TPP2: variants seen among roughly 807,000 people sequenced by gnomAD.
The protein encoded by TPP2 is tripeptidyl peptidase 2.
In TPP2, 34 loss-of-function variants were observed where a neutral mutation model predicts 155.9. The ratio of observed to expected loss-of-function variants is 0.22; its 90% CI spans 0.17 to 0.29. The LOEUF (loss-of-function observed/expected upper bound fraction) is 0.29, where lower values mean the gene tolerates loss of function less well. Among genes scored for constraint, TPP2 ranks in the 10% least tolerant of loss-of-function variants. The pLI, the probability that TPP2 is intolerant of heterozygous loss-of-function variation, is 1.00. For synonymous variants in TPP2, 510 were observed against 529.4 expected (o/e 0.96, Z 0.50); for missense variants, 1,028 against 1,522.3 (o/e 0.68, Z 5.40).
intron 25 of TPP2, among the ~76,000 whole-genome samples, chr13:102,661,721 A>G (rs1421931740): frequency 2.0e-5 from 3 of 152,190 alleles, no homozygotes; most frequent in Admixed American, 6.5e-5. Flanking sequence ...CAAAATCACA[A>G]TGAAATACAA....
At position 102,597,018 on chromosome 13, in the gene TPP2, C is replaced by G. The variant is rs781493054; in HGVS notation, c.-21C>G. Reference sequence around the variant, plus strand: ...GCGCAGCCTGGCAGTTTGCCGCTTCCTCGTCCTCCATCCTGCGTCCATGGC... The same window carrying G: ...GCGCAGCCTGGCAGTTTGCCGCTTCGTCGTCCTCCATCCTGCGTCCATGGC... On this transcript the variant is annotated 5_prime_UTR_variant, in exon 1 of 30. Transcript: ENST00000376052. 2.5e-6 allele frequency: 4 copies of G among 1,608,986 alleles called. No individual in the cohort carries two copies. The highest frequency in any genetic ancestry group is 1.3e-5 in the African/African-American group (1 of 74,486).
chr13:102,626,960 A>G (rs1881666952), intron 6 of TPP2, 52 bp from the exon 7 acceptor site: 1 of 1,438,894 alleles, frequency 6.9e-7, no homozygotes, highest in African/African-American at 1.4e-5. Flanking sequence ...GAATTGAATA[A>G]ACTTTCAGTC....
intron 25 of TPP2, among the ~76,000 whole-genome samples, chr13:102,658,982 T>G (rs962362195): frequency 1.3e-5 from 2 of 152,170 alleles, no homozygotes; most frequent in African/African-American, 4.8e-5. Flanking sequence ...CTAAGCTCCT[T>G]AAGTGGGGGT....
intron 1 of TPP2, among the ~76,000 whole-genome samples, chr13:102,602,493 A>G (rs1375530598): frequency 6.6e-6 from 1 of 152,148 alleles, no homozygotes; most frequent in Non-Finnish European, 1.5e-5. Context: ...ACATGAAAAT[A>G]ACAGCTGTGC....
chr13:102,630,244 T>C (rs1881928289), intron 10 of TPP2, 49 bp downstream of exon 10: 1 of 1,438,130 alleles, frequency 7.0e-7, no homozygotes, highest in South Asian at 1.2e-5. Context: ...GGTTAAACTT[T>C]ACACTGTTGA....
chr13:102,600,646 T>C (rs1257790868), intron 1 of TPP2, among the ~76,000 whole-genome samples: 2 of 152,192 alleles, frequency 1.3e-5, no homozygotes, highest in Non-Finnish European at 2.9e-5. Context: ...GTGCTTGTAA[T>C]GTTAAATGTT....
intron 27 of TPP2, among the ~76,000 whole-genome samples, chr13:102,668,676 A>G (rs1230269567): frequency 6.6e-6 from 1 of 152,188 alleles, no homozygotes; most frequent in East Asian, 1.9e-4. Context: ...AAGAAAGGCA[A>G]ATCTAAATGA....
chr13:102,655,028 T>C (rs1369673254), intron 24 of TPP2: 1 of 504,870 alleles, frequency 2.0e-6, no homozygotes, highest in Admixed American at 2.0e-5. Flanking sequence ...TGTTTACAGG[T>C]TCTGGCCCCC....
chr13:102,674,338 G>T lies in TPP2; in HGVS notation c.3427G>T (p.Ala1143Ser), dbSNP rs752918639. 2 of 1,613,776 alleles carry T rather than the reference G, an allele frequency of 1.2e-6. No homozygotes were observed. The highest frequency in any genetic ancestry group is 1.7e-5 in the Admixed American group (1 of 59,992). The change falls in exon 28 of 30, where the codon GCC becomes TCC. Residue 1143 changes from alanine (A) to serine (S), a missense_variant. Ala to Ser is a moderately conservative substitution (Grantham distance 99, BLOSUM62 1). Around this residue, in one of 7 missense-constraint regions of TPP2, gnomAD observed 116 missense variants for 117.3 expected, o/e 0.99. Transcript: ENST00000376052. ...AGATGCCCTTTGTAGGAAAGGTTGT[G>T]CCCTGGCAGACCATCTTCTTCACAC... ...LVDALCRKGC[A>S]LADHLLHTQA...
In TPP2 at chr13:102,678,471, G is replaced by T. The variant is rs188384637; in HGVS notation, c.*155G>T. The T allele has an allele frequency of 1.7e-6, 1 of 602,832 alleles. No homozygotes were observed. Among genetic ancestry groups the T allele is most frequent in the East Asian group, 3.0e-5 (1 of 33,390 alleles). The allele number at this position is 602,832 out of a possible 1,614,324, so 37.3% of individuals were successfully genotyped here. ...TGTATTTATCAGAGAATTCACTGAC[G>T]TGTGGCTTAATACATGTAAATCTAG... On this transcript the variant is annotated 3_prime_UTR_variant, in exon 30 of 30. Coordinates refer to ENST00000376052, the MANE Select transcript of TPP2 (RefSeq NM_001330588.2).
At chr13:102,663,957 A>G (rs1884421102) in intron 26 of TPP2, among the ~76,000 whole-genome samples, 1 of 152,238 alleles carries the variant, frequency 6.6e-6, no homozygotes, top group African/African-American at 2.4e-5. Flanking sequence ...TGCTTGGTCA[A>G]TGAGATTAGT....
chr13:102,648,833 CT>C, intron 21 of TPP2, 73 bp from the exon 22 acceptor site: 1 of 1,506,274 alleles, frequency 6.6e-7, no homozygotes, highest in Non-Finnish European at 8.8e-7. Flanking sequence ...GTAACTTTCA[CT>C]TTATCCTCTT....
intron 27 of TPP2, among the ~76,000 whole-genome samples, chr13:102,666,089 C>A (rs759314215): frequency 6.6e-6 from 1 of 152,120 alleles, no homozygotes; most frequent in African/African-American, 2.4e-5. Context: ...GTATAAGGGA[C>A]TATTGAGGGC....
intron 5 of TPP2, among the ~76,000 whole-genome samples, chr13:102,619,445 A>C (rs1880991940): frequency 6.6e-6 from 1 of 151,798 alleles, no homozygotes; most frequent in Non-Finnish European, 1.5e-5. Context: ...TGCAAAAAAA[A>C]AACAAACAAA....
rs1397378666 is a variant in TPP2 at position 102,674,376 on chromosome 13, CGG to C, written c.3466_3467del (p.Gly1156SerfsTer5). 1.9e-6 allele frequency: 3 copies of C among 1,613,806 alleles called. No individual in the cohort carries two copies. Among genetic ancestry groups the C allele is most frequent in the Non-Finnish European group, 2.5e-6 (3 of 1,179,882 alleles). On this transcript the variant is annotated frameshift_variant, in exon 28 of 30. Transcript: ENST00000376052. LOFTEE classifies it high-confidence loss of function. ...DHLLHTQAQD[G>X]AISTDAEGKE... ...ATCTTCTTCACACCCAGGCTCAAGACGGAGCCATTTCCACTGATGCAGAAGGA... is the reference window on the plus strand; with the variant it reads ...ATCTTCTTCACACCCAGGCTCAAGACAGCCATTTCCACTGATGCAGAAGGA...
intron 1 of TPP2, among the ~76,000 whole-genome samples, chr13:102,603,897 C>G (rs1013418905): frequency 6.6e-6 from 1 of 151,920 alleles, no homozygotes; most frequent in Admixed American, 6.6e-5. Flanking sequence ...CTCATGGAGG[C>G]AAGAGATGGT....
At chr13:102,638,125 G>A (rs1882506287) in intron 14 of TPP2, 114 bp from the exon 15 acceptor site, 3 of 989,102 alleles carry the variant, frequency 3.0e-6, no homozygotes, top group Non-Finnish European at 4.6e-6. Context: ...GTCAACCTCT[G>A]GTTAAGACCT....
At chr13:102,633,414 CTATT>C (rs1239489270) in intron 10 of TPP2, among the ~76,000 whole-genome samples, 1 of 152,092 alleles carries the variant, frequency 6.6e-6, no homozygotes, top group Admixed American at 6.5e-5. Context: ...TTCTTTGTAT[CTATT>C]AATTACATGT....
chr13:102,643,197 T>C, intron 16 of TPP2, 25 bp from the exon 17 acceptor site: 1 of 1,531,528 alleles, frequency 6.5e-7, no homozygotes, highest in Non-Finnish European at 8.7e-7. Context: ...AGTTTAAAGC[T>C]TTGCTTCTTT....
Sources: allele counts gnomAD v4.1 joint callset (sites outside exome capture counted in the v4.1 genomes callset), GRCh38; gene constraint gnomAD v4.1.1; regional missense constraint gnomAD v4.1.1; transcripts MANE v1.5; gene names NCBI Gene and HGNC (gene_info 2026-07-23, HGNC 2026-07-21).